KIF6: variants seen among roughly 807,000 people sequenced by gnomAD.
KIF6 encodes the protein kinesin family member 6, also known as kinesin-like protein KIF6.
In KIF6, 106 loss-of-function variants were observed where a neutral mutation model predicts 112.7. The observed-to-expected ratio is 0.94, with a 90% CI of 0.80 to 1.11. The LOEUF is 1.11. KIF6 is among the 50% of genes least tolerant of loss of function. The pLI is 0.00. For missense variants in KIF6, 929 were observed against 964.0 expected (o/e 0.96, Z 0.48); for synonymous variants, 339 against 339.9 (o/e 1.00, Z 0.03).
chr6:39,343,667 G>T lies in KIF6; in HGVS notation c.2428+42C>A. Reference sequence around the variant, plus strand: ...CTGTGTGCTCCCCACAAGTGTTGGTGACCTGCTGCCCAGGAGGAGCCACCG... The same window carrying T: ...CTGTGTGCTCCCCACAAGTGTTGGTTACCTGCTGCCCAGGAGGAGCCACCG... On this transcript the variant is annotated intron_variant, in intron 22 of 22. Transcript: ENST00000287152. This position sits in a 1 kb window ranked among gnomAD's most constrained non-coding sequence, Gnocchi z 4.1. 3 of 1,459,946 alleles carry T rather than the reference G, an allele frequency of 2.1e-6. No individual in the cohort carries two copies. Among genetic ancestry groups the T allele is most frequent in the South Asian group, 1.3e-5 (1 of 79,462 alleles). 90.4% of individuals were successfully genotyped at this position (1,459,946 alleles called of 1,614,324 possible). A position where few individuals can be genotyped will look rare whatever the true frequency, so the allele number is the denominator to read the frequency against.
At chr6:39,620,895 A>C (rs1783779525) in intron 5 of KIF6, among the ~76,000 whole-genome samples, 1 of 151,930 alleles carries the variant, frequency 6.6e-6, no homozygotes, top group African/African-American at 2.4e-5. Context: ...CAGTCTCCCA[A>C]GTAGCTGAGA....
chr6:39,446,784 C>T (rs909467814), intron 13 of KIF6, among the ~76,000 whole-genome samples: 4 of 152,198 alleles, frequency 2.6e-5, no homozygotes, highest in Non-Finnish European at 4.4e-5. Context: ...GCCACTGAGC[C>T]TGGCCAAAAT....
At chr6:39,706,145 C>T (rs1044705185) in intron 3 of KIF6, among the ~76,000 whole-genome samples, 1 of 152,212 alleles carries the variant, frequency 6.6e-6, no homozygotes, top group Non-Finnish European at 1.5e-5. Flanking sequence ...CTACTTCTTA[C>T]AATCAAATAG....
At chr6:39,347,301 C>T (rs1763880642) in intron 19 of KIF6, among the ~76,000 whole-genome samples, 1 of 152,306 alleles carries the variant, frequency 6.6e-6, no homozygotes, top group African/African-American at 2.4e-5. Context: ...CGCTGGCCTA[C>T]CCCTGACCAC....
At chr6:39,455,514 G>A in intron 13 of KIF6, among the ~76,000 whole-genome samples, 1 of 152,152 alleles carries the variant, frequency 6.6e-6, no homozygotes, top group East Asian at 1.9e-4. Flanking sequence ...AACAAAGCTG[G>A]ATGGAGAATG....
intron 9 of KIF6, among the ~76,000 whole-genome samples, chr6:39,584,419 A>T (rs60689582): frequency 6.5e-5 from 3 of 45,846 alleles, no homozygotes; most frequent in African/African-American, 2.0e-4. Context: ...TCTGTCTCTA[A>T]AAAAAAAAAA....
At chr6:39,473,166 G>A (rs1196223690) in intron 13 of KIF6, among the ~76,000 whole-genome samples, 6 of 151,890 alleles carry the variant, frequency 4.0e-5, no homozygotes, top group Non-Finnish European at 8.8e-5. Context: ...GATTACAGGC[G>A]TGAGCCACAG....
chr6:39,426,846 C>T (rs947632964), intron 14 of KIF6, among the ~76,000 whole-genome samples: 1 of 152,184 alleles, frequency 6.6e-6, no homozygotes, highest in African/African-American at 2.4e-5. Flanking sequence ...TGGGTCAGGG[C>T]TGAGAGAGTC....
At chr6:39,441,640 GA>G (rs1771928659) in intron 13 of KIF6, among the ~76,000 whole-genome samples, 1 of 152,082 alleles carries the variant, frequency 6.6e-6, no homozygotes, top group Non-Finnish European at 1.5e-5. Context: ...AGGATGAGGG[GA>G]AGAAAAAAAG....
intron 3 of KIF6, among the ~76,000 whole-genome samples, chr6:39,706,408 T>C (rs1217234462): frequency 6.6e-6 from 1 of 152,222 alleles, no homozygotes; most frequent in East Asian, 1.9e-4. Context: ...GTAGGTAGAA[T>C]GGGAATATTA....
At chr6:39,414,701 A>G (rs1484240855) in intron 15 of KIF6, among the ~76,000 whole-genome samples, 1 of 152,228 alleles carries the variant, frequency 6.6e-6, no homozygotes, top group Non-Finnish European at 1.5e-5. Flanking sequence ...TTTGTTAGGC[A>G]TATCGTGTAG....
chr6:39,548,374 A>G (rs1020263409), intron 10 of KIF6, among the ~76,000 whole-genome samples: 1 of 152,238 alleles, frequency 6.6e-6, no homozygotes, highest in African/African-American at 2.4e-5. Context: ...GACCAGGGAC[A>G]TGATCCAAAG....
intron 13 of KIF6, among the ~76,000 whole-genome samples, chr6:39,449,907 C>A (rs1211520800): frequency 6.6e-6 from 1 of 152,236 alleles, no homozygotes; most frequent in African/African-American, 2.4e-5. Context: ...TGGCTCATGT[C>A]AACATCCACA....
rs574744895 is a variant in KIF6, at chr6:39,426,095, T to G, written c.1754+4958A>C. On this transcript the variant is annotated intron_variant, in intron 14 of 22. Transcript: ENST00000287152. ...GAATGGGACTCTGAGACTGATGGAC[T>G]CAGTTTGTATGAAAAATCTGCCACA... 2.6e-5 allele frequency among the ~76,000 whole-genome samples: 4 copies of G among 152,348 alleles called. No homozygotes were observed. The South Asian group carries it at 6.2e-4, about 24-fold the overall frequency.
chr6:39,660,388 C>T (rs751066822), intron 3 of KIF6, among the ~76,000 whole-genome samples: 11 of 152,098 alleles, frequency 7.2e-5, no homozygotes, highest in Non-Finnish European at 1.5e-4. Flanking sequence ...CTTTCTCAAC[C>T]GCTTGAGGTA....
chr6:39,458,511 G>T (rs1029624637), intron 13 of KIF6, among the ~76,000 whole-genome samples: 34 of 151,084 alleles, frequency 2.3e-4, no homozygotes, highest in African/African-American at 7.6e-4. Context: ...AGTGTTGGAA[G>T]TTCTGGCCAG....
At chr6:39,639,487 A>C in intron 4 of KIF6, 123 bp downstream of exon 4, 1 of 805,706 alleles carries the variant, frequency 1.2e-6, no homozygotes, top group Non-Finnish European at 1.8e-6. Flanking sequence ...GGCCAAAGTT[A>C]TGACACAATA....
intron 9 of KIF6, among the ~76,000 whole-genome samples, chr6:39,581,955 T>C (rs1023382404): frequency 1.3e-5 from 2 of 152,172 alleles, no homozygotes; most frequent in African/African-American, 4.8e-5. Flanking sequence ...AAGAACATGA[T>C]ATTGAGTATT....
intron 10 of KIF6, among the ~76,000 whole-genome samples, chr6:39,551,973 T>A (rs1052417605): frequency 6.6e-6 from 1 of 152,238 alleles, no homozygotes; most frequent in Non-Finnish European, 1.5e-5. Flanking sequence ...GAATCGGCTA[T>A]GAGACTTTTG....
Sources: gnomAD v4.1 joint callset for allele counts (sites outside exome capture counted in the v4.1 genomes callset) on GRCh38, gnomAD v4.1.1 for gene constraint, Gnocchi (gnomAD v3.1) non-coding constraint, MANE v1.5 for transcripts, NCBI Gene and HGNC (gene_info 2026-07-23, HGNC 2026-07-21) for gene names.